Variants in ZSWIM6 observed in about 807,000 individuals in gnomAD.
ZSWIM6 encodes the protein zinc finger SWIM-type containing 6, also known as zinc finger SWIM domain-containing protein 6.
ZSWIM6 carries 9 observed loss-of-function variants against 113.2 expected under a neutral mutation model. The observed-to-expected ratio is 0.08, with a 90% CI of 0.05 to 0.14. The LOEUF (loss-of-function observed/expected upper bound fraction) is 0.14. Among genes scored for constraint, ZSWIM6 ranks in the 10% least tolerant of loss-of-function variants. The pLI, the probability that ZSWIM6 is intolerant of heterozygous loss-of-function variation, is 1.00. For missense variants in ZSWIM6, 1,162 were observed against 1,552.2 expected, an observed-to-expected ratio of 0.75 and a Z score of 4.22; for synonymous variants, 611 against 606.5, an observed-to-expected ratio of 1.01 and a Z score of -0.11.
Position 61,367,014 on chromosome 5 carries a change from T to C in ZSWIM6, c.676+34066T>C, listed in dbSNP as rs181509846. The stretch of plus-strand genomic sequence containing the variant: ...GTGTCAGCTTGATTAAGTGATAGCA[T>C]GAGGAAGTAAAACCTTTAAAAAGAA... On this transcript the variant is annotated intron_variant, in intron 1 of 13. Coordinates refer to ENST00000252744, the MANE Select transcript of ZSWIM6 (RefSeq NM_020928.2). Among the ~76,000 whole-genome samples the C allele has an allele frequency of 3.3e-5, 5 of 150,916 alleles. No homozygotes were observed. The East Asian group carries it at 7.8e-4, about 23-fold the overall frequency.
intron 4 of ZSWIM6, among the ~76,000 whole-genome samples, chr5:61,497,418 C>G (rs1748352547): frequency 6.6e-6 from 1 of 152,196 alleles, no homozygotes; most frequent in Admixed American, 6.5e-5. Context: ...GTGGTAGCCA[C>G]AGGCCCAATT....
chr5:61,348,816 T>A (rs1478044008), intron 1 of ZSWIM6, among the ~76,000 whole-genome samples: 3 of 152,176 alleles, frequency 2.0e-5, no homozygotes, highest in Non-Finnish European at 2.9e-5. Flanking sequence ...ATTTAGATAA[T>A]CTGGCTTCCT....
chr5:61,502,706 G>GT (rs1215429899), intron 4 of ZSWIM6, among the ~76,000 whole-genome samples: 1 of 152,202 alleles, frequency 6.6e-6, no homozygotes, highest in African/African-American at 2.4e-5. Flanking sequence ...GAGGTGAGTG[G>GT]TAGGCAACTG....
At chr5:61,420,825 T>C (rs993633713) in intron 1 of ZSWIM6, among the ~76,000 whole-genome samples, 2 of 152,220 alleles carry the variant, frequency 1.3e-5, no homozygotes, top group Non-Finnish European at 2.9e-5. Flanking sequence ...AATCCTGTTA[T>C]ACTCTTTTAG....
At chr5:61,352,787 A>G (rs1393440923) in intron 1 of ZSWIM6, among the ~76,000 whole-genome samples, 1 of 152,236 alleles carries the variant, frequency 6.6e-6, no homozygotes, top group Non-Finnish European at 1.5e-5. Flanking sequence ...GGCATGTATT[A>G]CAGGGAAAAA....
At chr5:61,391,499 A>T in intron 1 of ZSWIM6, 1 of 1,292,142 alleles carries the variant, frequency 7.7e-7, no homozygotes, top group African/African-American at 1.5e-5. Context: ...TTCTTCTTAG[A>T]TTTATGCCGG....
chr5:61,497,501 C>T (rs1464483110), intron 4 of ZSWIM6, among the ~76,000 whole-genome samples: 1 of 152,110 alleles, frequency 6.6e-6, no homozygotes, highest in Non-Finnish European at 1.5e-5. Context: ...GTGCCTATGA[C>T]ATTCATTTGG....
chr5:61,409,483 G>C (rs1315862748), intron 1 of ZSWIM6, among the ~76,000 whole-genome samples: 1 of 152,056 alleles, frequency 6.6e-6, no homozygotes. Context: ...GATAGTTTTG[G>C]GTTATTACTG....
chr5:61,518,066 A>G (rs1360416819), intron 4 of ZSWIM6, among the ~76,000 whole-genome samples: 1 of 151,008 alleles, frequency 6.6e-6, no homozygotes, highest in Non-Finnish European at 1.5e-5. Flanking sequence ...GTGATAGTTT[A>G]CTGAGAATGA....
intron 1 of ZSWIM6, among the ~76,000 whole-genome samples, chr5:61,406,956 A>G (rs971014709): frequency 1.1e-4 from 16 of 152,184 alleles, no homozygotes; most frequent in African/African-American, 3.1e-4. Flanking sequence ...CAGGTGATCC[A>G]CCCACCTCAG....
At chr5:61,382,711 A>C (rs976622581) in intron 1 of ZSWIM6, among the ~76,000 whole-genome samples, 10 of 152,146 alleles carry the variant, frequency 6.6e-5, no homozygotes, top group Non-Finnish European at 1.2e-4. Flanking sequence ...AGGCTGAGGC[A>C]GGAGGATCAC....
At chr5:61,423,073 T>C (rs1746386733) in intron 1 of ZSWIM6, among the ~76,000 whole-genome samples, 1 of 152,156 alleles carries the variant, frequency 6.6e-6, no homozygotes, top group Non-Finnish European at 1.5e-5. Flanking sequence ...CTTTCTCTTG[T>C]CTGATTACTT....
intron 2 of ZSWIM6, among the ~76,000 whole-genome samples, chr5:61,484,951 A>G (rs762611441): frequency 2.6e-5 from 4 of 152,314 alleles, no homozygotes; most frequent in African/African-American, 4.8e-5. Context: ...ATCATGATCT[A>G]TACGTGCCTC....
At chr5:61,481,221 G>A (rs1274629678) in intron 2 of ZSWIM6, among the ~76,000 whole-genome samples, 1 of 152,158 alleles carries the variant, frequency 6.6e-6, no homozygotes, top group Non-Finnish European at 1.5e-5. Context: ...AGTCAAAGCT[G>A]TGAATAGCTC....
At chr5:61,348,110 A>G (rs1744702309) in intron 1 of ZSWIM6, among the ~76,000 whole-genome samples, 1 of 151,810 alleles carries the variant, frequency 6.6e-6, no homozygotes, top group South Asian at 2.1e-4. Flanking sequence ...AGTCCCAGCT[A>G]CTCGGGAGGC....
intron 1 of ZSWIM6, among the ~76,000 whole-genome samples, chr5:61,442,440 A>T (rs1018005854): frequency 3.3e-5 from 5 of 152,132 alleles, no homozygotes; most frequent in African/African-American, 1.2e-4. Flanking sequence ...CATACCATGG[A>T]TGAGGAATCA....
intron 1 of ZSWIM6, among the ~76,000 whole-genome samples, chr5:61,466,780 C>G (rs1284245516): frequency 6.6e-6 from 1 of 151,774 alleles, no homozygotes; most frequent in Non-Finnish European, 1.5e-5. Flanking sequence ...TTTTAAAATC[C>G]CTTTTTTTTC....
chr5:61,494,045 G>A (rs938964331), intron 3 of ZSWIM6, among the ~76,000 whole-genome samples: 1 of 151,984 alleles, frequency 6.6e-6, no homozygotes, highest in Admixed American at 6.6e-5. Flanking sequence ...TTAGGGTAGG[G>A]AGTGGTTTTA....
chr5:61,434,440 A>AC (rs113398618), intron 1 of ZSWIM6, among the ~76,000 whole-genome samples: 4,383 of 147,634 alleles, frequency 0.03, 216 homozygotes, highest in African/African-American at 0.1. Flanking sequence ...TTTATCCCTC[A>AC]CCCCCCTTTC....
Sources: gnomAD v4.1 joint callset for allele counts (sites outside exome capture counted in the v4.1 genomes callset) on GRCh38, gnomAD v4.1.1 for gene constraint, MANE v1.5 for transcripts, NCBI Gene and HGNC (gene_info 2026-07-23, HGNC 2026-07-21) for gene names.